The following NKAIN2 variants were observed in gnomAD, a reference collection of about 807,000 sequenced individuals.
NKAIN2 encodes sodium/potassium-transporting ATPase subunit beta-1-interacting protein 2.
NKAIN2 carries 14 observed loss-of-function variants against 32.6 expected under a neutral mutation model. The observed-to-expected ratio is 0.43, with a 90% CI of 0.28 to 0.67. NKAIN2 has a LOEUF of 0.67. Ranked by LOEUF, NKAIN2 falls within the 30% of genes least tolerant of loss-of-function variation. The pLI is 0.17. For synonymous variants in NKAIN2, 80 were observed against 87.2 expected, an observed-to-expected ratio of 0.92 and a Z score of 0.46; for missense variants, 198 against 258.3, an observed-to-expected ratio of 0.77 and a Z score of 1.60.
chr6:124,745,482 T>C (rs932979572), intron 4 of NKAIN2, among the ~76,000 whole-genome samples: 5 of 151,946 alleles, frequency 3.3e-5, no homozygotes, highest in African/African-American at 7.2e-5. Context: ...AATCTCCTTA[T>C]AGTTCAACAT....
chr6:124,048,843 TA>T lies in NKAIN2; in HGVS notation c.55-234160del, dbSNP rs374870528. ...CTTACTGCTGTCACAGTAATTTTCT[TA>T]AGTGCATGGCTCAGTCGTATTAGGT... On this transcript the variant is annotated intron_variant, in intron 1 of 6. Transcript: ENST00000368417. Among the ~76,000 whole-genome samples, 708 of 152,176 alleles carry T rather than the reference TA, an allele frequency of 4.7e-3. 2 individuals carry two copies. The highest frequency in any genetic ancestry group is 0.016 in the African/African-American group (655 of 41,554).
intron 1 of NKAIN2, among the ~76,000 whole-genome samples, chr6:123,976,991 C>CA (rs1778673388): frequency 3.3e-5 from 5 of 152,074 alleles, no homozygotes; most frequent in South Asian, 2.1e-4. Context: ...TTTGAACAAT[C>CA]AAAAAAGAAA....
intron 1 of NKAIN2, among the ~76,000 whole-genome samples, chr6:124,260,306 AGT>A (rs1342211190): frequency 6.6e-6 from 1 of 152,188 alleles, no homozygotes; most frequent in Non-Finnish European, 1.5e-5. Context: ...TAGCATGCAT[AGT>A]GTGTTAGAGG....
At chr6:124,209,696 T>C (rs1424866807) in intron 1 of NKAIN2, among the ~76,000 whole-genome samples, 1 of 151,940 alleles carries the variant, frequency 6.6e-6, no homozygotes, top group African/African-American at 2.4e-5. Flanking sequence ...TTTTTGATTC[T>C]CTGGTTATTA....
intron 1 of NKAIN2, among the ~76,000 whole-genome samples, chr6:124,221,574 A>G (rs990382741): frequency 6.6e-6 from 1 of 152,166 alleles, no homozygotes; most frequent in African/African-American, 2.4e-5. Context: ...GAGAGAAAAA[A>G]AAGAAATAAA....
intron 4 of NKAIN2, among the ~76,000 whole-genome samples, chr6:124,691,786 C>T (rs1415019281): frequency 6.6e-6 from 1 of 152,160 alleles, no homozygotes; most frequent in Non-Finnish European, 1.5e-5. Flanking sequence ...CCCTCTCTCA[C>T]ACCACCTCCT....
At chr6:124,516,599 T>C (rs1049865055) in intron 3 of NKAIN2, among the ~76,000 whole-genome samples, 1 of 152,188 alleles carries the variant, frequency 6.6e-6, no homozygotes, top group Admixed American at 6.5e-5. Flanking sequence ...TGCAGACATT[T>C]ACATTTGCCT....
chr6:124,259,557 A>G (rs2753135), intron 1 of NKAIN2, among the ~76,000 whole-genome samples: 54,552 of 152,072 alleles, frequency 0.36, 12,357 homozygotes, highest in African/African-American at 0.64. Flanking sequence ...ATTTGGTATA[A>G]ATAGGTTAGT....
chr6:124,497,002 T>C (rs899845968), intron 3 of NKAIN2, among the ~76,000 whole-genome samples: 1 of 152,070 alleles, frequency 6.6e-6, no homozygotes, highest in South Asian at 2.1e-4. Flanking sequence ...TGTATCCTAA[T>C]GCCACCATCT....
At chr6:123,899,603 G>A (rs571748747) in intron 1 of NKAIN2, among the ~76,000 whole-genome samples, 25 of 152,142 alleles carry the variant, frequency 1.6e-4, no homozygotes, top group Non-Finnish European at 3.1e-4. Context: ...TAAATGGAAG[G>A]AAAAACACTA....
At chr6:124,346,958 T>C (rs1798454942) in intron 2 of NKAIN2, among the ~76,000 whole-genome samples, 1 of 152,230 alleles carries the variant, frequency 6.6e-6, no homozygotes, top group South Asian at 2.1e-4. Flanking sequence ...GGCATGATTT[T>C]GCAGCAGCTG....
At chr6:124,238,537 T>C (rs987272764) in intron 1 of NKAIN2, among the ~76,000 whole-genome samples, 44 of 152,016 alleles carry the variant, frequency 2.9e-4, no homozygotes, top group African/African-American at 9.9e-4. Context: ...AAATATAGCT[T>C]GGAAAACAGG....
chr6:124,715,366 T>C (rs1250736065), intron 4 of NKAIN2, among the ~76,000 whole-genome samples: 1 of 152,128 alleles, frequency 6.6e-6, no homozygotes, highest in African/African-American at 2.4e-5. Flanking sequence ...CAGGACCTCA[T>C]TGTTCACGCG....
intron 1 of NKAIN2, among the ~76,000 whole-genome samples, chr6:124,174,928 A>G (rs1479868582): frequency 6.6e-6 from 1 of 152,166 alleles, no homozygotes; most frequent in Non-Finnish European, 1.5e-5. Flanking sequence ...AAATGTCACC[A>G]CTTTAGTAAA....
intron 1 of NKAIN2, among the ~76,000 whole-genome samples, chr6:124,019,971 T>C (rs1450542479): frequency 1.3e-5 from 2 of 152,218 alleles, no homozygotes; most frequent in Non-Finnish European, 2.9e-5. Flanking sequence ...GTTAATAAAC[T>C]TGAATAGTCT....
chr6:124,530,304 A>G (rs1779473567), intron 3 of NKAIN2, among the ~76,000 whole-genome samples: 1 of 152,220 alleles, frequency 6.6e-6, no homozygotes. Context: ...TATTAAGAAA[A>G]TCATAAAGAA....
At position 124,824,217 on chromosome 6, in the gene NKAIN2, C is replaced by T. The variant is rs1192337863; in HGVS notation, c.*988C>T. 6.6e-6 allele frequency: 1 copy of T among 152,618 alleles called. No individual in the cohort carries two copies. The highest frequency in any genetic ancestry group is 2.4e-5 in the African/African-American group (1 of 41,428). The allele number at this position is 152,618 out of a possible 1,614,324, so 9.5% of individuals were successfully genotyped here. On this transcript the variant is annotated 3_prime_UTR_variant, in exon 7 of 7. Transcript: ENST00000368417. ...TATCTACAATTGTCTTTTACTAACA[C>T]AGAAACAGCTGTGGATTTCTATCAA...
chr6:124,330,474 C>T (rs946769454), intron 2 of NKAIN2, among the ~76,000 whole-genome samples: 2 of 152,134 alleles, frequency 1.3e-5, no homozygotes, highest in Non-Finnish European at 2.9e-5. Context: ...TCATGAATGT[C>T]CAGAATTGAG....
chr6:124,747,399 C>T (rs1777495956), intron 4 of NKAIN2, among the ~76,000 whole-genome samples: 1 of 151,806 alleles, frequency 6.6e-6, no homozygotes, highest in African/African-American at 2.4e-5. Flanking sequence ...GACTTTGCAG[C>T]CATAATCAAG....
Sources: gnomAD v4.1 joint callset for allele counts (sites outside exome capture counted in the v4.1 genomes callset) on GRCh38, gnomAD v4.1.1 for gene constraint, MANE v1.5 for transcripts, NCBI Gene and HGNC (gene_info 2026-07-23, HGNC 2026-07-21) for gene names.